The following PSD3 variants were observed in gnomAD, a reference collection of about 807,000 sequenced individuals.
The protein encoded by PSD3 is pleckstrin and Sec7 domain containing 3.
A neutral mutation model predicts 105.5 loss-of-function variants in PSD3; 49 were observed. That is an observed-to-expected ratio of 0.46 (90% CI 0.37 to 0.59). The LOEUF (loss-of-function observed/expected upper bound fraction) is 0.59, where lower values mean the gene tolerates loss of function less well. PSD3 is among the 20% of genes least tolerant of loss of function. PSD3 has a pLI of 0.00. For synonymous variants in PSD3, 557 were observed against 457.8 expected (o/e 1.22, Z -2.77); for missense variants, 1,561 against 1,263.8 (o/e 1.24, Z -3.57).
At chr8:18,998,315 T>C (rs1395653630) in intron 1 of PSD3, among the ~76,000 whole-genome samples, 2 of 152,000 alleles carry the variant, frequency 1.3e-5, no homozygotes, top group Non-Finnish European at 2.9e-5. Context: ...CTCTCTTAAC[T>C]GAGAGATGCC....
At chr8:18,987,808 G>A (rs1225877500) in intron 1 of PSD3, among the ~76,000 whole-genome samples, 1 of 151,622 alleles carries the variant, frequency 6.6e-6, no homozygotes, top group Non-Finnish European at 1.5e-5. Flanking sequence ...GCAAGACCCT[G>A]TCTCAAAAAA....
intron 2 of PSD3, among the ~76,000 whole-genome samples, chr8:18,896,046 A>G (rs1478857679): frequency 6.6e-6 from 1 of 152,148 alleles, no homozygotes; most frequent in Non-Finnish European, 1.5e-5. Context: ...GCTTCCACAT[A>G]TGGGTGAGAA....
At chr8:18,667,943 G>A (rs955574276) in intron 9 of PSD3, among the ~76,000 whole-genome samples, 13 of 152,238 alleles carry the variant, frequency 8.5e-5, no homozygotes, top group Non-Finnish European at 1.5e-4. Context: ...GCCCCTCACT[G>A]CCCGAGGCCA....
chr8:18,780,136 A>C lies in PSD3; in HGVS notation c.2083-14598T>G, dbSNP rs1332804403. 2.6e-5 allele frequency among the ~76,000 whole-genome samples: 4 copies of C among 152,114 alleles called. No homozygotes were observed. In the East Asian group the frequency reaches 5.8e-4, roughly 22 times the overall value. Reference sequence around the variant, plus strand: ...GGCGCACAAATATTTAGAATTGTTTAATCTTCTTGCTGAAATGGTCCCTCT... The same window carrying C: ...GGCGCACAAATATTTAGAATTGTTTCATCTTCTTGCTGAAATGGTCCCTCT... On this transcript the variant is annotated intron_variant, in intron 8 of 15. Transcript: ENST00000327040.
At position 18,791,834 on chromosome 8, in the gene PSD3, A is replaced by G. The variant is rs181780897; in HGVS notation, c.2082+7461T>C. Among the ~76,000 whole-genome samples the G allele has an allele frequency of 2.4e-3, 366 of 152,344 alleles. 3 individuals carry two copies. Among genetic ancestry groups the G allele is most frequent in the African/African-American group, 8.0e-3 (331 of 41,586 alleles). On this transcript the variant is annotated intron_variant, in intron 8 of 15. Transcript: ENST00000327040. Reference sequence around the variant, plus strand: ...AATTTTGTAATTTATCCATCTGACAATGGTCTAATACCCGGCACCTACAAG... The same window carrying G: ...AATTTTGTAATTTATCCATCTGACAGTGGTCTAATACCCGGCACCTACAAG...
At chr8:18,869,586 T>A (rs143667227) in intron 3 of PSD3, among the ~76,000 whole-genome samples, 2,678 of 152,292 alleles carry the variant, frequency 0.018, 47 homozygotes, top group Non-Finnish European at 0.024. Flanking sequence ...GTCAGGGAGC[T>A]CAGCAGCCTC....
At chr8:19,025,796 C>G (rs1271222497) in intron 1 of PSD3, among the ~76,000 whole-genome samples, 1 of 152,190 alleles carries the variant, frequency 6.6e-6, no homozygotes, top group South Asian at 2.1e-4. Flanking sequence ...TGGACAATTA[C>G]TTGGTGTGGT....
At position 18,618,230 on chromosome 8, in the gene PSD3, G is replaced by A. The variant is rs1015515415; in HGVS notation, c.2410+14383C>T. Reference sequence around the variant, plus strand: ...ATGACCTGGAAGCCCCTGCTTCCAGGTGTCCTGCCCTTCTGGGCTAAATCA... The same window carrying A: ...ATGACCTGGAAGCCCCTGCTTCCAGATGTCCTGCCCTTCTGGGCTAAATCA... On this transcript the variant is annotated intron_variant, in intron 11 of 15. Coordinates refer to ENST00000327040, the MANE Select transcript of PSD3 (RefSeq NM_015310.4). Among the ~76,000 whole-genome samples the A allele has an allele frequency of 1.8e-4, 25 of 141,024 alleles. 2 individuals carry two copies. The highest frequency in any genetic ancestry group is 3.0e-4 in the Non-Finnish European group (18 of 60,600). The allele number at this position is 141,024 out of a possible 152,430, so 92.5% of individuals were successfully genotyped here. A position where few individuals can be genotyped will look rare whatever the true frequency, so the allele number is the denominator to read the frequency against.
intron 1 of PSD3, among the ~76,000 whole-genome samples, chr8:19,005,384 G>T (rs554067653): frequency 6.6e-5 from 10 of 152,018 alleles, no homozygotes; most frequent in African/African-American, 2.4e-4. Flanking sequence ...GTGCAGAACA[G>T]CAAAATCCAG....
intron 4 of PSD3, among the ~76,000 whole-genome samples, chr8:18,828,630 ATC>A (rs1427384192): frequency 6.6e-6 from 1 of 151,866 alleles, no homozygotes; most frequent in Non-Finnish European, 1.5e-5. Context: ...GTGGACTCCC[ATC>A]TCTACCAATC....
intron 2 of PSD3, among the ~76,000 whole-genome samples, chr8:18,904,954 C>A (rs1461927497): frequency 2.0e-5 from 3 of 152,182 alleles, no homozygotes; most frequent in African/African-American, 7.2e-5. Flanking sequence ...TACTAACTCC[C>A]CACCTTATTT....
chr8:18,912,860 TA>T (rs1421020347), intron 2 of PSD3, among the ~76,000 whole-genome samples: 3 of 152,134 alleles, frequency 2.0e-5, no homozygotes, highest in Admixed American at 2.0e-4. Context: ...CAACAGGAAA[TA>T]CACCCTAAAT....
At chr8:18,660,791 T>C (rs1224601269) in intron 9 of PSD3, among the ~76,000 whole-genome samples, 1 of 152,232 alleles carries the variant, frequency 6.6e-6, no homozygotes, top group Non-Finnish European at 1.5e-5. Context: ...CTGTAATTTC[T>C]GTAACTTAAC....
rs1471036955 is a variant in PSD3 at position 19,000,006 on chromosome 8, G to C, written c.21+13557C>G. The C allele has an allele frequency of 2.0e-5, 3 of 150,458 alleles. No individual in the cohort carries two copies. In the East Asian group the frequency reaches 5.9e-4, roughly 29 times the overall value. 9.3% of individuals were successfully genotyped at this position (150,458 alleles called of 1,614,324 possible). On this transcript the variant is annotated intron_variant, in intron 1 of 15. Transcript: ENST00000327040. ...TAGAATATGATATTGTATTTTATTAGACTTTCTTTCCCAAGCAGGACACAG... is the reference window on the plus strand; with the variant it reads ...TAGAATATGATATTGTATTTTATTACACTTTCTTTCCCAAGCAGGACACAG...
chr8:18,572,616 A>C lies in PSD3; in HGVS notation c.2696T>G (p.Phe899Cys). Reference sequence around the variant, plus strand: ...TGCTGCTGGAAATGGTGGTGCAGAAAATACAGCTGCCACACAATTGATTTT... The same window carrying C: ...TGCTGCTGGAAATGGTGGTGCAGAACATACAGCTGCCACACAATTGATTTT... ...INKINCVAAV[F>C]SAPPFPAAIG... The change falls in exon 14 of 16, where the codon TTT becomes TGT. Residue 899 changes from phenylalanine to cysteine, a missense_variant. Physicochemically the swap from Phe to Cys is radical, Grantham distance 205. Coordinates refer to ENST00000327040, the MANE Select transcript of PSD3 (RefSeq NM_015310.4). 1 of 1,614,106 alleles carries C rather than the reference A, an allele frequency of 6.2e-7. No individual in the cohort carries two copies. Among genetic ancestry groups the C allele is most frequent in the Non-Finnish European group, 8.5e-7 (1 of 1,179,962 alleles).
Position 18,632,633 on chromosome 8 carries a change from G to A in PSD3, c.2390C>T (p.Ala797Val). Residue 797 changes from alanine (A) to valine (V), a missense_variant, in exon 11 of 16, where the codon GCA becomes GTA. By Grantham distance (64) the Ala-to-Val change is moderately conservative (BLOSUM62 0). Coordinates refer to ENST00000327040, the MANE Select transcript of PSD3 (RefSeq NM_015310.4). ...KSGFLARKIH[A>V]DMDGKKTPRG... ...CTTACTCTTCTTTCCATCCATATCT[G>A]CATGAATTTTCCGAGCCAAGAATCC... The A allele has an allele frequency of 1.2e-6, 2 of 1,611,966 alleles. No individual in the cohort carries two copies. Among genetic ancestry groups the A allele is most frequent in the Non-Finnish European group, 1.7e-6 (2 of 1,178,758 alleles).
rs144217300 is a variant in PSD3 at position 18,920,436 on chromosome 8, T to C, written c.130+15598A>G. The stretch of plus-strand genomic sequence containing the variant: ...TCATGCTGAAAGCAAGGTTCGAGTG[T>C]GGACAGATACAGCGGTATTGAAATG... On this transcript the variant is annotated intron_variant, in intron 2 of 15. Coordinates refer to ENST00000327040, the MANE Select transcript of PSD3 (RefSeq NM_015310.4). 2.4e-3 allele frequency among the ~76,000 whole-genome samples: 362 copies of C among 152,356 alleles called. 4 individuals are homozygous for C. Among genetic ancestry groups the C allele is most frequent in the African/African-American group, 8.5e-3 (353 of 41,592 alleles).
intron 9 of PSD3, among the ~76,000 whole-genome samples, chr8:18,696,496 C>G (rs765268715): frequency 1.3e-5 from 2 of 152,212 alleles, no homozygotes; most frequent in Non-Finnish European, 2.9e-5. Flanking sequence ...GCCTGTTTTA[C>G]TAAGCAGCAC....
At chr8:18,949,244 A>AAAAT (rs1345423514) in intron 1 of PSD3, among the ~76,000 whole-genome samples, 1 of 14,408 alleles carries the variant, frequency 6.9e-5, no homozygotes, top group Non-Finnish European at 1.8e-4. Flanking sequence ...AAAAAAAAAA[A>AAAAT]ATATATATAT....
Sources: gnomAD v4.1 joint callset for allele counts (sites outside exome capture counted in the v4.1 genomes callset) on GRCh38, gnomAD v4.1.1 for gene constraint, MANE v1.5 for transcripts, NCBI Gene and HGNC (gene_info 2026-07-23, HGNC 2026-07-21) for gene names.